The following SEMA6D variants were observed in gnomAD, a reference collection of about 807,000 sequenced individuals.
The protein encoded by SEMA6D is semaphorin-6D.
SEMA6D carries 35 observed loss-of-function variants against 106.6 expected under a neutral mutation model. The observed-to-expected ratio is 0.33, with a 90% CI of 0.25 to 0.44. SEMA6D has a LOEUF of 0.44. Ranked by LOEUF, SEMA6D falls within the 20% of genes least tolerant of loss-of-function variation. The pLI, the probability that SEMA6D is intolerant of heterozygous loss-of-function variation, is 1.00. For missense variants in SEMA6D, 1,185 were observed against 1,345.9 expected, an observed-to-expected ratio of 0.88 and a Z score of 1.87; for synonymous variants, 499 against 487.7, an observed-to-expected ratio of 1.02 and a Z score of -0.31.
intron 4 of SEMA6D, among the ~76,000 whole-genome samples, chr15:47,618,575 G>A (rs2077046229): frequency 1.3e-5 from 2 of 152,208 alleles, no homozygotes; most frequent in Non-Finnish European, 2.9e-5. Context: ...TGTAGCTTTA[G>A]GGATTTTTGT....
intron 1 of SEMA6D, among the ~76,000 whole-genome samples, chr15:47,393,756 T>C (rs2040117167): frequency 6.6e-6 from 1 of 152,180 alleles, no homozygotes; most frequent in African/African-American, 2.4e-5. Flanking sequence ...ATCTTAACTC[T>C]TTACTCATAA....
chr15:47,289,414 A>AAAT (rs2035508461), intron 1 of SEMA6D, among the ~76,000 whole-genome samples: 2 of 151,532 alleles, frequency 1.3e-5, no homozygotes, highest in South Asian at 4.2e-4. Flanking sequence ...AAAAAAAAAA[A>AAAT]AAGAAAAGGT....
intron 4 of SEMA6D, among the ~76,000 whole-genome samples, chr15:47,642,514 GA>G (rs1177103549): frequency 6.6e-6 from 1 of 152,152 alleles, no homozygotes; most frequent in Non-Finnish European, 1.5e-5. Flanking sequence ...CGGACACCCA[GA>G]GTCACATTCC....
intron 1 of SEMA6D, among the ~76,000 whole-genome samples, chr15:47,376,044 A>T (rs1567036975): frequency 6.6e-6 from 1 of 152,244 alleles, no homozygotes; most frequent in African/African-American, 2.4e-5. Flanking sequence ...ATTATTTAAA[A>T]TGGAGCTAGC....
At chr15:47,559,102 G>T (rs1025488894) in intron 3 of SEMA6D, among the ~76,000 whole-genome samples, 2 of 152,030 alleles carry the variant, frequency 1.3e-5, no homozygotes, top group Non-Finnish European at 2.9e-5. Context: ...TTTGTCTAGT[G>T]TATCTCCCAA....
intron 1 of SEMA6D, among the ~76,000 whole-genome samples, chr15:47,377,010 C>T (rs2039472485): frequency 6.6e-6 from 1 of 152,136 alleles, no homozygotes; most frequent in South Asian, 2.1e-4. Flanking sequence ...TAATTACTTG[C>T]CAGGCAGCCC....
At chr15:47,635,781 T>C (rs77838360) in intron 4 of SEMA6D, among the ~76,000 whole-genome samples, 3,023 of 152,164 alleles carry the variant, frequency 0.02, 109 homozygotes, top group African/African-American at 0.069. Flanking sequence ...AAATGTGTGA[T>C]CACAGTTGGG....
intron 3 of SEMA6D, among the ~76,000 whole-genome samples, chr15:47,510,666 G>A (rs2044198464): frequency 6.6e-6 from 1 of 152,226 alleles, no homozygotes. Context: ...GGTGCAGTGT[G>A]AGGTGCAGCA....
chr15:47,517,442 C>T (rs1050546377), intron 3 of SEMA6D, among the ~76,000 whole-genome samples: 7 of 152,044 alleles, frequency 4.6e-5, no homozygotes, highest in Admixed American at 1.3e-4. Context: ...TCTATGCGTT[C>T]ATTACACATC....
intron 4 of SEMA6D, among the ~76,000 whole-genome samples, chr15:47,603,205 C>T (rs1392979619): frequency 6.6e-6 from 1 of 152,082 alleles, no homozygotes; most frequent in African/African-American, 2.4e-5. Flanking sequence ...GTCAATGGCT[C>T]CCTTAGTCAC....
chr15:47,608,935 G>A (rs150898389), intron 4 of SEMA6D, among the ~76,000 whole-genome samples: 109 of 152,152 alleles, frequency 7.2e-4, no homozygotes, highest in African/African-American at 2.4e-3. Flanking sequence ...GAATTATTAC[G>A]GAACACTCTG....
At chr15:47,438,241 A>T (rs1414930770) in intron 2 of SEMA6D, among the ~76,000 whole-genome samples, 1 of 151,972 alleles carries the variant, frequency 6.6e-6, no homozygotes, top group Non-Finnish European at 1.5e-5. Context: ...CCCACTTCTC[A>T]TGGCTTCCAT....
At chr15:47,432,220 A>G (rs2041552706) in intron 2 of SEMA6D, among the ~76,000 whole-genome samples, 1 of 152,152 alleles carries the variant, frequency 6.6e-6, no homozygotes, top group Non-Finnish European at 1.5e-5. Flanking sequence ...ATGCCATAAA[A>G]CTATGTAGAT....
Position 47,770,485 on chromosome 15 carries a change from T to A in SEMA6D, c.1934-12T>A. The A allele has an allele frequency of 6.4e-7, 1 of 1,562,354 alleles. No homozygotes were observed. The highest frequency in any genetic ancestry group is 8.7e-7 in the Non-Finnish European group (1 of 1,150,594). On this transcript the variant is annotated splice_polypyrimidine_tract_variant and intron_variant, in intron 18 of 18. Transcript: ENST00000536845. Reference sequence around the variant, plus strand: ...AGCACCTTATTCACATTGTCCCATGTGTCTATTTCAGGTGTACGATGGGAA... The same window carrying A: ...AGCACCTTATTCACATTGTCCCATGAGTCTATTTCAGGTGTACGATGGGAA...
chr15:47,199,838 G>T (rs191900428), intron 1 of SEMA6D, among the ~76,000 whole-genome samples: 47 of 152,138 alleles, frequency 3.1e-4, no homozygotes, highest in African/African-American at 9.9e-4. Flanking sequence ...ACAAATAAAT[G>T]GCATTTACCA....
At chr15:47,394,086 T>C (rs933854204) in intron 1 of SEMA6D, among the ~76,000 whole-genome samples, 5 of 152,152 alleles carry the variant, frequency 3.3e-5, no homozygotes, top group African/African-American at 1.2e-4. Flanking sequence ...TCCTGGTTGC[T>C]AAAGCCAAGC....
intron 1 of SEMA6D, among the ~76,000 whole-genome samples, chr15:47,187,772 T>C (rs1460063142): frequency 1.3e-5 from 2 of 151,664 alleles, no homozygotes; most frequent in Non-Finnish European, 2.9e-5. Context: ...TCTTCAGCAT[T>C]GTCTGGTTAG....
At chr15:47,599,443 C>G (rs1014844332) in intron 3 of SEMA6D, among the ~76,000 whole-genome samples, 1 of 82,558 alleles carries the variant, frequency 1.2e-5, no homozygotes, top group Non-Finnish European at 2.6e-5. Context: ...AAAGGTCTGC[C>G]TTACGCTTTT....
At chr15:47,568,274 G>C (rs954851171) in intron 3 of SEMA6D, among the ~76,000 whole-genome samples, 11 of 151,034 alleles carry the variant, frequency 7.3e-5, no homozygotes, top group Non-Finnish European at 1.0e-4. Flanking sequence ...AACTATTTCA[G>C]TTATGGCTAT....
Sources: gnomAD v4.1 joint callset for allele counts (sites outside exome capture counted in the v4.1 genomes callset) on GRCh38, gnomAD v4.1.1 for gene constraint, MANE v1.5 for transcripts, NCBI Gene and HGNC (gene_info 2026-07-23, HGNC 2026-07-21) for gene names.